The following NFATC2 variants were observed in gnomAD, a reference collection of about 807,000 sequenced individuals.
NFATC2 encodes the protein nuclear factor of activated T-cells, cytoplasmic 2.
A neutral mutation model predicts 87.3 loss-of-function variants in NFATC2; 22 were observed. That is an observed-to-expected ratio of 0.25 (90% CI 0.18 to 0.36). NFATC2 has a LOEUF of 0.36. Among genes scored for constraint, NFATC2 ranks in the 10% least tolerant of loss-of-function variants. The probability of loss-of-function intolerance (pLI) is 1.00; values close to 1 mark genes in which losing one functional copy is unlikely to be tolerated. For synonymous variants in NFATC2, 565 were observed against 542.2 expected (o/e 1.04, Z -0.58); for missense variants, 1,149 against 1,259.1 (o/e 0.91, Z 1.32).
intron 3 of NFATC2, among the ~76,000 whole-genome samples, chr20:51,508,186 G>A (rs777645289): frequency 4.6e-5 from 7 of 152,044 alleles, no homozygotes; most frequent in Non-Finnish European, 8.8e-5. Context: ...TTCTACTGTG[G>A]GCTGAAAGCA....
chr20:51,431,586 C>T (rs1982714583), intron 9 of NFATC2, among the ~76,000 whole-genome samples: 1 of 152,158 alleles, frequency 6.6e-6, no homozygotes, highest in Non-Finnish European at 1.5e-5. Flanking sequence ...CTGATAAAGC[C>T]ACTTTTCAAT....
intron 3 of NFATC2, among the ~76,000 whole-genome samples, chr20:51,500,768 C>A (rs1277819908): frequency 3.1e-5 from 1 of 32,676 alleles, no homozygotes; most frequent in Non-Finnish European, 5.8e-5. Context: ...CTCACCACCA[C>A]CCCACCTCCA....
chr20:51,419,044 G>A (rs1980488676), intron 9 of NFATC2, among the ~76,000 whole-genome samples: 1 of 151,482 alleles, frequency 6.6e-6, no homozygotes, highest in African/African-American at 2.4e-5. Flanking sequence ...CAACTAAGAA[G>A]TACGCTCCCT....
chr20:51,481,039 C>G (rs952104596), intron 3 of NFATC2, among the ~76,000 whole-genome samples: 14 of 152,144 alleles, frequency 9.2e-5, no homozygotes, highest in African/African-American at 3.4e-4. Flanking sequence ...GTGAAGAAAC[C>G]TCACCATCTT....
chr20:51,459,339 C>T (rs942831295), intron 5 of NFATC2, among the ~76,000 whole-genome samples: 2 of 152,146 alleles, frequency 1.3e-5, no homozygotes, highest in African/African-American at 2.4e-5. Flanking sequence ...TTATATCAAT[C>T]GGCCAGAACA....
intron 10 of NFATC2, among the ~76,000 whole-genome samples, chr20:51,395,588 TG>T (rs1250904507): frequency 2.3e-5 from 1 of 42,754 alleles, no homozygotes; most frequent in Non-Finnish European, 4.1e-5. Flanking sequence ...AAAAGACTGA[TG>T]GAGAATGATC....
chr20:51,486,214 C>CA (rs949620849), intron 3 of NFATC2, among the ~76,000 whole-genome samples: 2 of 149,906 alleles, frequency 1.3e-5, no homozygotes, highest in African/African-American at 2.4e-5. Flanking sequence ...CTGCCTCAAA[C>CA]AAAAAAAAGA....
At chr20:51,411,515 T>TG (rs1979239484) in intron 9 of NFATC2, among the ~76,000 whole-genome samples, 2 of 135,936 alleles carry the variant, frequency 1.5e-5, no homozygotes, top group Non-Finnish European at 3.1e-5. Context: ...AATGCAATTG[T>TG]CTTTTTTTTT....
intron 1 of NFATC2, among the ~76,000 whole-genome samples, chr20:51,561,944 A>G (rs1485104041): frequency 6.6e-6 from 1 of 152,136 alleles, no homozygotes; most frequent in African/African-American, 2.4e-5. Context: ...AGAAACAGGG[A>G]AAGTACAGTG....
intron 1 of NFATC2, among the ~76,000 whole-genome samples, chr20:51,538,466 C>T (rs770206210): frequency 5.3e-5 from 8 of 152,158 alleles, no homozygotes; most frequent in South Asian, 2.1e-4. Context: ...GAGTCCTCCT[C>T]CAAGGCAAGG....
At chr20:51,395,626 G>GTAGTCACCCT (rs1986959954) in intron 10 of NFATC2, among the ~76,000 whole-genome samples, 1 of 151,328 alleles carries the variant, frequency 6.6e-6, no homozygotes, top group Non-Finnish European at 1.5e-5. Context: ...AAAGACTGAT[G>GTAGTCACCCT]GAGAATGATC....
chr20:51,534,462 G>C (rs2146772740), intron 1 of NFATC2, among the ~76,000 whole-genome samples: 1 of 152,286 alleles, frequency 6.6e-6, no homozygotes, highest in East Asian at 1.9e-4. Flanking sequence ...AGCCTCCCTA[G>C]TAGCTGGAAT....
chr20:51,465,809 C>T (rs1030164786), intron 5 of NFATC2, among the ~76,000 whole-genome samples: 1 of 152,064 alleles, frequency 6.6e-6, no homozygotes, highest in African/African-American at 2.4e-5. Context: ...TGTTTACTGT[C>T]TGTCTTCCCC....
intron 6 of NFATC2, among the ~76,000 whole-genome samples, chr20:51,448,989 T>C (rs1985437718): frequency 1.3e-5 from 2 of 152,240 alleles, no homozygotes; most frequent in Non-Finnish European, 2.9e-5. Context: ...TTTCCACTGC[T>C]CTCCAATTTG....
chr20:51,490,154 T>C (rs775866850), intron 3 of NFATC2, among the ~76,000 whole-genome samples: 8 of 152,248 alleles, frequency 5.3e-5, no homozygotes, highest in Admixed American at 6.5e-5. Flanking sequence ...GCTAATAATG[T>C]ATTGCGTGCT....
intron 10 of NFATC2, among the ~76,000 whole-genome samples, chr20:51,397,563 T>G (rs974135445): frequency 6.6e-6 from 1 of 152,146 alleles, no homozygotes; most frequent in African/African-American, 2.4e-5. Flanking sequence ...AGCACTGATA[T>G]TTTACTTGCA....
intron 3 of NFATC2, among the ~76,000 whole-genome samples, chr20:51,512,073 C>T (rs1046787844): frequency 3.9e-5 from 6 of 152,178 alleles, no homozygotes; most frequent in East Asian, 1.9e-4. Context: ...CACTCTCCCC[C>T]GACTAAGAGA....
chr20:51,528,942 T>C (rs1013591811), intron 1 of NFATC2, among the ~76,000 whole-genome samples: 6 of 152,206 alleles, frequency 3.9e-5, no homozygotes, highest in African/African-American at 1.4e-4. Flanking sequence ...TTTTTCTAGC[T>C]AGCATCTGTA....
intron 8 of NFATC2, among the ~76,000 whole-genome samples, chr20:51,434,017 G>A (rs1983192819): frequency 6.6e-6 from 1 of 152,190 alleles, no homozygotes; most frequent in African/African-American, 2.4e-5. Context: ...CTGAGAGCAT[G>A]TCTGCTCAAA....
Sources: allele counts gnomAD v4.1 joint callset (sites outside exome capture counted in the v4.1 genomes callset), GRCh38; gene constraint gnomAD v4.1.1; transcripts MANE v1.5; gene names NCBI Gene and HGNC (gene_info 2026-07-23, HGNC 2026-07-21).